Variants in ANKFN1 observed in about 807,000 individuals in gnomAD.
The protein encoded by ANKFN1 is ankyrin repeat and fibronectin type III domain containing 1.
ANKFN1 carries 74 observed loss-of-function variants against 108.7 expected under a neutral mutation model. The ratio of observed to expected loss-of-function variants is 0.68; its 90% CI spans 0.56 to 0.83. The LOEUF (loss-of-function observed/expected upper bound fraction) is 0.83, where lower values mean the gene tolerates loss of function less well. Among genes scored for constraint, ANKFN1 ranks in the 40% least tolerant of loss-of-function variants. The pLI is 0.00. For missense variants in ANKFN1, 1,505 were observed against 1,382.3 expected, an observed-to-expected ratio of 1.09 and a Z score of -1.41; for synonymous variants, 547 against 516.2, an observed-to-expected ratio of 1.06 and a Z score of -0.81.
intron 14 of ANKFN1, chr17:56,463,779 T>C (rs1458174542): frequency 6.6e-6 from 1 of 152,236 alleles, no homozygotes; most frequent in Non-Finnish European, 1.5e-5. Flanking sequence ...TTACATTTGT[T>C]AAGGGGAGAA....
intron 1 of ANKFN1, among the ~76,000 whole-genome samples, chr17:56,187,101 A>C (rs952765510): frequency 6.6e-6 from 1 of 152,224 alleles, no homozygotes; most frequent in African/African-American, 2.4e-5. Context: ...TAATTAAACT[A>C]AGGAGCGTCT....
Position 56,447,712 on chromosome 17 carries a change from T to C in ANKFN1, c.1100-1367T>C, listed in dbSNP as rs188008136. On this transcript the variant is annotated intron_variant, in intron 10 of 20. Transcript: ENST00000682825. ...GAATTCCCTTCCTTTTAAGTTATATTTACAGAATGCCTATCATGTAATAGG... is the reference window on the plus strand; with the variant it reads ...GAATTCCCTTCCTTTTAAGTTATATCTACAGAATGCCTATCATGTAATAGG... 1.4e-4 allele frequency among the ~76,000 whole-genome samples: 21 copies of C among 152,288 alleles called. 1 individual carries two copies. In the East Asian group the frequency reaches 4.1e-3, roughly 29 times the overall value.
intron 4 of ANKFN1, among the ~76,000 whole-genome samples, chr17:56,138,522 T>G (rs1181975823): frequency 6.6e-6 from 1 of 151,416 alleles, no homozygotes; most frequent in East Asian, 1.9e-4. Flanking sequence ...CTTTTTTTTT[T>G]TTTTTGAGAC....
chr17:56,418,759 A>G (rs577128583), intron 8 of ANKFN1, among the ~76,000 whole-genome samples: 23 of 151,778 alleles, frequency 1.5e-4, no homozygotes, highest in Non-Finnish European at 2.9e-4. Flanking sequence ...CCTGACTCCC[A>G]GTTCATTATA....
chr17:56,398,058 A>G (rs1450543010), intron 8 of ANKFN1, among the ~76,000 whole-genome samples: 1 of 152,202 alleles, frequency 6.6e-6, no homozygotes, highest in African/African-American at 2.4e-5. Flanking sequence ...TCAGGGGACC[A>G]TGTAAGCTTC....
intron 3 of ANKFN1, among the ~76,000 whole-genome samples, chr17:56,275,807 A>G (rs1014206032): frequency 1.3e-5 from 2 of 152,222 alleles, no homozygotes; most frequent in Non-Finnish European, 2.9e-5. Flanking sequence ...GAGAGTACAT[A>G]CTGCAGAAGT....
At chr17:56,365,267 T>C (rs1378896199) in intron 6 of ANKFN1, among the ~76,000 whole-genome samples, 5 of 152,284 alleles carry the variant, frequency 3.3e-5, no homozygotes, top group Non-Finnish European at 7.4e-5. Flanking sequence ...TTCTGAACAG[T>C]AGCTAGGATG....
chr17:56,318,187 T>C (rs181824754), intron 3 of ANKFN1, among the ~76,000 whole-genome samples: 7 of 152,268 alleles, frequency 4.6e-5, no homozygotes, highest in Admixed American at 3.9e-4. Context: ...GGCATTTTTC[T>C]ACAAAACCAG....
At chr17:56,294,960 A>G (rs1008606390) in intron 3 of ANKFN1, among the ~76,000 whole-genome samples, 4 of 152,228 alleles carry the variant, frequency 2.6e-5, no homozygotes, top group African/African-American at 9.6e-5. Context: ...AGGAAAATCC[A>G]ATTTCTGTGA....
intron 4 of ANKFN1, among the ~76,000 whole-genome samples, chr17:56,144,181 A>AC (rs1567802699): frequency 5.8e-5 from 4 of 68,380 alleles, no homozygotes; most frequent in East Asian, 1.0e-3. Context: ...AAAAAAAAAA[A>AC]AAAACAGCCC....
chr17:56,168,256 CAA>C (rs763624819), intron 1 of ANKFN1, among the ~76,000 whole-genome samples: 12 of 60,222 alleles, frequency 2.0e-4, no homozygotes, highest in African/African-American at 3.0e-4. Context: ...GACTCTGTCA[CAA>C]AAAAAAAAAA....
intron 8 of ANKFN1, among the ~76,000 whole-genome samples, chr17:56,381,307 C>T (rs1324715500): frequency 6.6e-6 from 1 of 152,088 alleles, no homozygotes; most frequent in East Asian, 1.9e-4. Flanking sequence ...CATCAAAGAC[C>T]AAAAGTCGAT....
In ANKFN1 at chr17:56,353,820, T is replaced by G. The variant is rs1455906516; in HGVS notation, c.391-16T>G. 1 of 1,613,166 alleles carries G rather than the reference T, an allele frequency of 6.2e-7. No homozygotes were observed. Among genetic ancestry groups the G allele is most frequent in the Non-Finnish European group, 8.5e-7 (1 of 1,179,360 alleles). Reference sequence around the variant, plus strand: ...GGTTTAAGAAATTGTGCTGATCTACTTTTGCTCCTCTCTAGAATTTCCAGG... The same window carrying G: ...GGTTTAAGAAATTGTGCTGATCTACGTTTGCTCCTCTCTAGAATTTCCAGG... On this transcript the variant is annotated splice_polypyrimidine_tract_variant and intron_variant, in intron 5 of 20. Transcript: ENST00000682825.
At chr17:56,147,158 T>C (rs1257888904) in intron 4 of ANKFN1, among the ~76,000 whole-genome samples, 1 of 152,192 alleles carries the variant, frequency 6.6e-6, no homozygotes, top group Non-Finnish European at 1.5e-5. Flanking sequence ...TCATTGTCCA[T>C]ACCACTATCA....
rs181707583 is a variant in ANKFN1 at position 56,165,935 on chromosome 17, C to T, written c.-71+12405C>T. On this transcript the variant is annotated intron_variant, in intron 1 of 20. Coordinates refer to ENST00000682825, the MANE Select transcript of ANKFN1 (RefSeq NM_001370326.1). ...AGGTCCTAGTCCATGAGTCCTAATT[C>T]TCCTTGGGAATTTACCTAACCCTTC... is the stretch of plus-strand genomic sequence containing the variant. Among the ~76,000 whole-genome samples, 6 of 152,224 alleles carry T rather than the reference C, an allele frequency of 3.9e-5. No homozygotes were observed. The East Asian group carries it at 9.7e-4, about 25-fold the overall frequency.
At chr17:56,510,389 G>A in intron 20 of ANKFN1, 84 bp from the exon 21 acceptor site, 5 of 1,141,316 alleles carry the variant, frequency 4.4e-6, no homozygotes, top group Non-Finnish European at 6.1e-6. Context: ...TCTAAGTGCG[G>A]GGTCAAATGC....
At chr17:56,108,036 G>T (rs913995839) in intron 4 of ANKFN1, among the ~76,000 whole-genome samples, 22 of 151,320 alleles carry the variant, frequency 1.5e-4, no homozygotes, top group African/African-American at 4.6e-4. Flanking sequence ...TAATTTTTTG[G>T]TTTTGTTTTT....
At chr17:56,258,195 CAATTTA>C (rs1256967210) in intron 3 of ANKFN1, 1 of 152,192 alleles carries the variant, frequency 6.6e-6, no homozygotes, top group African/African-American at 2.4e-5. Flanking sequence ...CTTCATTCCA[CAATTTA>C]AATGGGCTTC....
At chr17:56,440,474 T>C (rs201126896) in intron 9 of ANKFN1, 50 bp downstream of exon 9, 82 of 1,472,954 alleles carry the variant, frequency 5.6e-5, no homozygotes, top group Non-Finnish European at 7.3e-5. Flanking sequence ...ATATTTGTGC[T>C]GGGATATCAG....
Sources: allele counts gnomAD v4.1 joint callset (sites outside exome capture counted in the v4.1 genomes callset), GRCh38; gene constraint gnomAD v4.1.1; transcripts MANE v1.5; gene names NCBI Gene and HGNC (gene_info 2026-07-23, HGNC 2026-07-21).